Variants in PPA1 observed in about 807,000 individuals in gnomAD.
The protein encoded by PPA1 is inorganic pyrophosphatase 1, also known as inorganic pyrophosphatase.
A neutral mutation model predicts 41.8 loss-of-function variants in PPA1; 23 were observed. The ratio of observed to expected loss-of-function variants is 0.55; its 90% CI spans 0.40 to 0.78. PPA1 has a LOEUF of 0.78. PPA1 is among the 30% of genes least tolerant of loss of function. The pLI, the probability that PPA1 is intolerant of heterozygous loss-of-function variation, is 0.00. For missense variants in PPA1, 320 were observed against 361.6 expected (o/e 0.89, Z 0.93); for synonymous variants, 101 against 116.8 (o/e 0.86, Z 0.87).
In PPA1 at chr10:70,230,808, A is replaced by G. The variant is rs564260664; in HGVS notation, c.65-409T>C. Among the ~76,000 whole-genome samples the G allele has an allele frequency of 5.3e-5, 8 of 152,330 alleles. No homozygotes were observed. The South Asian group carries it at 1.7e-3, about 32-fold the overall frequency. On this transcript the variant is annotated intron_variant, in intron 1 of 10. Coordinates refer to ENST00000373232, the MANE Select transcript of PPA1 (RefSeq NM_021129.4). ...ATTTTTAAACCAAGATATTATTCTT[A>G]CACTAGAAAAACTGTTTGTATACTT...
chr10:70,227,650 CAAAAAAAAAAAAAA>C (rs11382289), intron 2 of PPA1, among the ~76,000 whole-genome samples: 38 of 75,128 alleles, frequency 5.1e-4, no homozygotes, highest in African/African-American at 2.1e-3. Context: ...AACCCTATCT[CAAAAAAAAAAAAAA>C]AAAAAAAAAA....
chr10:70,206,798 C>A (rs1008478468), intron 8 of PPA1, among the ~76,000 whole-genome samples: 1 of 143,954 alleles, frequency 6.9e-6, no homozygotes, highest in Non-Finnish European at 1.5e-5. Context: ...CAGCTGAGAT[C>A]GCGCCACTGC....
At chr10:70,210,522 C>G (rs895586648) in intron 6 of PPA1, 2 of 1,042,528 alleles carry the variant, frequency 1.9e-6, no homozygotes, top group Non-Finnish European at 2.5e-6. Context: ...CATAACAATA[C>G]TTTAGTTCTG....
At chr10:70,203,233 C>T (rs1375271398) in intron 10 of PPA1, 47 bp from the exon 11 acceptor site, 7 of 1,462,190 alleles carry the variant, frequency 4.8e-6, no homozygotes, top group Middle Eastern at 1.7e-4. Context: ...TGTTGAGAAT[C>T]AAAAATACAC....
At position 70,221,058 on chromosome 10, in the gene PPA1, T is replaced by A. The variant is rs60862532; in HGVS notation, c.124-2241A>T. 1.2e-3 allele frequency among the ~76,000 whole-genome samples: 27 copies of A among 23,182 alleles called. 1 individual carries two copies. The highest frequency in any genetic ancestry group is 0.011 in the African/African-American group (26 of 2,438). 15.2% of individuals were successfully genotyped at this position (23,182 alleles called of 152,430 possible). A position where few individuals can be genotyped will look rare whatever the true frequency, so the allele number is the denominator to read the frequency against. Reference sequence around the variant, plus strand: ...TATATAAATTATATATATATATAATTTATATATATATATATATATTTTTTT... The same window carrying A: ...TATATAAATTATATATATATATAATATATATATATATATATATATTTTTTT... On this transcript the variant is annotated intron_variant, in intron 2 of 10. Transcript: ENST00000373232.
chr10:70,216,486 CA>C (rs59025870), intron 4 of PPA1, among the ~76,000 whole-genome samples: 114,136 of 141,142 alleles, frequency 0.81, 45,712 homozygotes, highest in East Asian at 0.97. Context: ...GACTCCGTCT[CA>C]AAAAAAAAAA....
chr10:70,209,407 G>T, intron 7 of PPA1, 117 bp from the exon 8 acceptor site: 1 of 1,297,216 alleles, frequency 7.7e-7, no homozygotes, highest in Non-Finnish European at 1.1e-6. Flanking sequence ...TTCTAAAAAT[G>T]GAAGAGAATA....
Position 70,233,344 on chromosome 10 carries a change from C to A in PPA1, c.-17G>T, listed in dbSNP as rs765025926. ...GCCGCTCATAGTGCCGGAGTCCTGCCGCCGCCGCTGCCACAGAGCCACCAG... is the reference window on the plus strand; with the variant it reads ...GCCGCTCATAGTGCCGGAGTCCTGCAGCCGCCGCTGCCACAGAGCCACCAG... On this transcript the variant is annotated 5_prime_UTR_variant, in exon 1 of 11. Transcript: ENST00000373232. The A allele has an allele frequency of 7.2e-6, 11 of 1,527,790 alleles. No homozygotes were observed. In the African/African-American group the frequency reaches 1.1e-4, roughly 16 times the overall value. The allele number at this position is 1,527,790 out of a possible 1,614,324, so 94.6% of individuals were successfully genotyped here.
rs1444982264 is a variant in PPA1, at chr10:70,220,821, ATT to A, written c.124-2006_124-2005del. Among the ~76,000 whole-genome samples the A allele has an allele frequency of 6.9e-4, 27 of 39,294 alleles. 9 individuals are homozygous for A. Among genetic ancestry groups the A allele is most frequent in the South Asian group, 6.2e-3 (9 of 1,454 alleles). The allele number at this position is 39,294 out of a possible 152,430, so 25.8% of individuals were successfully genotyped here. The stretch of plus-strand genomic sequence containing the variant: ...TATAATATATATAATTTTTATATAT[ATT>A]ATATATATAATTTTTATATATATTA... On this transcript the variant is annotated intron_variant, in intron 2 of 10. Coordinates refer to ENST00000373232, the MANE Select transcript of PPA1 (RefSeq NM_021129.4).
At position 70,209,273 on chromosome 10, in the gene PPA1, A is replaced by G; in HGVS notation, c.657T>C (p.Ile219=). ...TCCAATGGTCATGAGTGCTTTTAAT[A>G]ATATCAATGGCAAAGTCCTATAATT... ...EFKDKDFAID[I]IKSTHDHWKA... is the part of the protein sequence containing the mutation. The change falls in exon 8 of 11, where the codon ATT becomes ATC. Residue 219 remains isoleucine (I), a synonymous_variant. Coordinates refer to ENST00000373232, the MANE Select transcript of PPA1 (RefSeq NM_021129.4). 6.3e-7 allele frequency: 1 copy of G among 1,593,886 alleles called. No individual in the cohort carries two copies. The highest frequency in any genetic ancestry group is 1.1e-5 in the South Asian group (1 of 90,544).
intron 4 of PPA1, among the ~76,000 whole-genome samples, chr10:70,214,841 T>C (rs187223617): frequency 6.6e-6 from 1 of 152,318 alleles, no homozygotes; most frequent in East Asian, 1.9e-4. Context: ...AAAAGCCAAC[T>C]ACTCAATAAC....
chr10:70,224,328 C>T (rs944080240), intron 2 of PPA1, among the ~76,000 whole-genome samples: 5 of 150,392 alleles, frequency 3.3e-5, no homozygotes, highest in African/African-American at 1.2e-4. Flanking sequence ...TACAACAAAA[C>T]ATTAAAGATG....
intron 6 of PPA1, among the ~76,000 whole-genome samples, chr10:70,212,072 T>A (rs908482188): frequency 2.0e-5 from 3 of 152,130 alleles, no homozygotes; most frequent in African/African-American, 7.2e-5. Flanking sequence ...TCTAAAGTCA[T>A]CCTCTCCTCT....
At chr10:70,229,340 A>G (rs1267592630) in intron 2 of PPA1, among the ~76,000 whole-genome samples, 1 of 152,216 alleles carries the variant, frequency 6.6e-6, no homozygotes, top group African/African-American at 2.4e-5. Flanking sequence ...TATGTTGCCC[A>G]GTCTGGTCTC....
At chr10:70,227,310 A>C (rs558302537) in intron 2 of PPA1, among the ~76,000 whole-genome samples, 8 of 152,338 alleles carry the variant, frequency 5.3e-5, no homozygotes, top group African/African-American at 1.9e-4. Flanking sequence ...AACTGGCTGG[A>C]CTGATTACCT....
intron 2 of PPA1, among the ~76,000 whole-genome samples, chr10:70,226,239 A>G (rs543004191): frequency 2.0e-5 from 3 of 152,238 alleles, no homozygotes; most frequent in Non-Finnish European, 4.4e-5. Context: ...TACCATATGT[A>G]CCTGTGTAGA....
At chr10:70,222,766 T>C (rs552104084) in intron 2 of PPA1, among the ~76,000 whole-genome samples, 1 of 152,284 alleles carries the variant, frequency 6.6e-6, no homozygotes, top group East Asian at 1.9e-4. Flanking sequence ...ATGTTGCATG[T>C]TGGTGTGCTG....
chr10:70,224,720 C>CTTAT (rs1462942393), intron 2 of PPA1, among the ~76,000 whole-genome samples: 1 of 148,734 alleles, frequency 6.7e-6, no homozygotes, highest in African/African-American at 2.6e-5. Flanking sequence ...AGACTTATTT[C>CTTAT]TTATTTATTT....
At chr10:70,228,642 T>C (rs145690009) in intron 2 of PPA1, among the ~76,000 whole-genome samples, 7 of 152,258 alleles carry the variant, frequency 4.6e-5, no homozygotes, top group African/African-American at 1.7e-4. Context: ...TCTGAATAAA[T>C]ACCACTCTGA....
Sources: allele counts gnomAD v4.1 joint callset (sites outside exome capture counted in the v4.1 genomes callset), GRCh38; gene constraint gnomAD v4.1.1; transcripts MANE v1.5; gene names NCBI Gene and HGNC (gene_info 2026-07-23, HGNC 2026-07-21).